Variants in SKIC3 observed in about 807,000 individuals in gnomAD.
SKIC3 encodes the protein SKI3 subunit of superkiller complex, also known as superkiller complex protein 3.
the SKIC3 span, chr5:95,523,066 TA>T: frequency 1.1e-4 from 139 of 1,221,958 alleles, 1 homozygote; most frequent in Admixed American, 2.8e-4. Flanking sequence ...CTGCAAACAA[TA>T]AACACCAATC....
At chr5:95,474,069 TGA>T in the SKIC3 span, among the ~76,000 whole-genome samples, 1 of 152,224 alleles carries the variant, frequency 6.6e-6, no homozygotes, top group African/African-American at 2.4e-5. Context: ...TAATCCATCT[TGA>T]GTTAGTTTGT....
the SKIC3 span, among the ~76,000 whole-genome samples, chr5:95,469,075 C>T: frequency 2.0e-5 from 3 of 152,234 alleles, no homozygotes; most frequent in South Asian, 4.1e-4. Flanking sequence ...TCCATTTCTA[C>T]CATACCTATT....
chr5:95,496,564 G>A, the SKIC3 span, among the ~76,000 whole-genome samples: 5 of 152,166 alleles, frequency 3.3e-5, no homozygotes, highest in East Asian at 1.9e-4. Context: ...TTTGTATAAC[G>A]TAGTCCCAGA....
the SKIC3 span, among the ~76,000 whole-genome samples, chr5:95,476,628 A>G: frequency 6.6e-6 from 1 of 152,204 alleles, no homozygotes; most frequent in African/African-American, 2.4e-5. Context: ...TATTCAAACA[A>G]TGCCACAAGA....
At chr5:95,527,937 T>C in the SKIC3 span, 13 of 1,528,708 alleles carry the variant, frequency 8.5e-6, no homozygotes, top group Non-Finnish European at 1.2e-5. Context: ...GTAAATTTTG[T>C]GGTAGGCAGA....
At chr5:95,520,224 T>A in the SKIC3 span, among the ~76,000 whole-genome samples, 2 of 152,042 alleles carry the variant, frequency 1.3e-5, no homozygotes, top group South Asian at 4.1e-4. Context: ...CCTTTCTTGT[T>A]ATTAGACACA....
chr5:95,479,900 T>TA, the SKIC3 span, among the ~76,000 whole-genome samples: 1 of 151,890 alleles, frequency 6.6e-6, no homozygotes, highest in South Asian at 2.1e-4. Context: ...TACTCAAGAA[T>TA]AAAAAACAAA....
the SKIC3 span, among the ~76,000 whole-genome samples, chr5:95,477,023 G>A: frequency 6.6e-6 from 1 of 152,136 alleles, no homozygotes; most frequent in Non-Finnish European, 1.5e-5. Flanking sequence ...ATACTGAAAA[G>A]TAAAAAGTAA....
chr5:95,519,920 A>G, the SKIC3 span, among the ~76,000 whole-genome samples: 1 of 152,178 alleles, frequency 6.6e-6, no homozygotes, highest in South Asian at 2.1e-4. Context: ...ACATTATGTG[A>G]GACTTGAAAA....
At chr5:95,549,005 T>G in the SKIC3 span, among the ~76,000 whole-genome samples, 1 of 151,908 alleles carries the variant, frequency 6.6e-6, no homozygotes, top group South Asian at 2.1e-4. Context: ...ATATAAAAAA[T>G]ATATAAAGAA....
the SKIC3 span, among the ~76,000 whole-genome samples, chr5:95,537,544 A>C: frequency 6.6e-6 from 1 of 152,212 alleles, no homozygotes; most frequent in Non-Finnish European, 1.5e-5. Context: ...GCAAATCTTC[A>C]ACCTTTAAAA....
chr5:95,470,273 C>T, the SKIC3 span, among the ~76,000 whole-genome samples: 5 of 152,096 alleles, frequency 3.3e-5, no homozygotes, highest in Non-Finnish European at 5.9e-5. Flanking sequence ...CCACCGCGCC[C>T]GGCCAACAAT....
At chr5:95,504,242 A>C in the SKIC3 span, among the ~76,000 whole-genome samples, 2 of 152,138 alleles carry the variant, frequency 1.3e-5, no homozygotes. Flanking sequence ...AGGCTGAGGC[A>C]GGAGAATTGC....
chr5:95,516,436 A>G, the SKIC3 span: 2 of 1,612,806 alleles, frequency 1.2e-6, no homozygotes, highest in Non-Finnish European at 1.7e-6. Flanking sequence ...TTTTTTTCTT[A>G]AAATAGGCCC....
the SKIC3 span, chr5:95,516,595 T>C: frequency 7.4e-6 from 12 of 1,613,120 alleles, no homozygotes; most frequent in Admixed American, 8.3e-5. Context: ...ACCTGAAAAA[T>C]ACAAAACCTG....
chr5:95,545,434 T>G, the SKIC3 span, among the ~76,000 whole-genome samples: 2 of 152,112 alleles, frequency 1.3e-5, no homozygotes, highest in African/African-American at 4.8e-5. Context: ...CCCAATTCCC[T>G]CCCTACCACT....
chr5:95,502,959 C>A, the SKIC3 span: 12 of 1,613,978 alleles, frequency 7.4e-6, no homozygotes, highest in African/African-American at 1.6e-4. Flanking sequence ...AAGATATGGG[C>A]TTTGTCTTGC....
chr5:95,532,548 A>T, the SKIC3 span, among the ~76,000 whole-genome samples: 1 of 152,100 alleles, frequency 6.6e-6, no homozygotes. Context: ...TCTTATTCAT[A>T]CTTATTCTTG....
the SKIC3 span, among the ~76,000 whole-genome samples, chr5:95,552,647 C>T: frequency 1.3e-5 from 2 of 151,966 alleles, no homozygotes; most frequent in African/African-American, 2.4e-5. Context: ...AGAGGGCTTT[C>T]GGAACTCAGT....
Sources: allele counts gnomAD v4.1 joint callset (sites outside exome capture counted in the v4.1 genomes callset), GRCh38; gene constraint gnomAD v4.1.1; transcripts MANE v1.5; gene names NCBI Gene and HGNC (gene_info 2026-07-23, HGNC 2026-07-21).